The following DCLK3 variants were observed in gnomAD, a reference collection of about 807,000 sequenced individuals.
The protein encoded by DCLK3 is doublecortin like kinase 3, also known as serine/threonine-protein kinase DCLK3.
A neutral mutation model predicts 46.4 loss-of-function variants in DCLK3; 30 were observed. The observed-to-expected ratio is 0.65, with a 90% CI of 0.48 to 0.88. The LOEUF (loss-of-function observed/expected upper bound fraction) is 0.88, where lower values mean the gene tolerates loss of function less well. DCLK3 is among the 40% of genes least tolerant of loss of function. The pLI, the probability that DCLK3 is intolerant of heterozygous loss-of-function variation, is 0.00. For missense variants in DCLK3, 846 were observed against 907.1 expected (o/e 0.93, Z 0.87); for synonymous variants, 401 against 339.2 (o/e 1.18, Z -2.00).
chr3:36,716,232 G>A (rs1268959124), intron 4 of DCLK3, among the ~76,000 whole-genome samples: 1 of 152,180 alleles, frequency 6.6e-6, no homozygotes, highest in African/African-American at 2.4e-5. Flanking sequence ...GGCTCATTGA[G>A]ACTGCTCTTC....
At chr3:36,725,563 G>T (rs1701116979) in intron 2 of DCLK3, among the ~76,000 whole-genome samples, 1 of 152,170 alleles carries the variant, frequency 6.6e-6, no homozygotes, top group Non-Finnish European at 1.5e-5. Context: ...GCTGCAGTGT[G>T]CCATGATTGC....
chr3:36,723,788 C>T (rs186390275), intron 2 of DCLK3, among the ~76,000 whole-genome samples: 1 of 152,294 alleles, frequency 6.6e-6, no homozygotes, highest in Admixed American at 6.5e-5. Flanking sequence ...CAAAAGTTTG[C>T]TGCAGGGGAG....
At chr3:36,756,767 G>A (rs1405072330) in intron 1 of DCLK3, among the ~76,000 whole-genome samples, 1 of 152,050 alleles carries the variant, frequency 6.6e-6, no homozygotes, top group African/African-American at 2.4e-5. Flanking sequence ...ACTGCTGTTA[G>A]GGGAAATGCC....
intron 2 of DCLK3, among the ~76,000 whole-genome samples, chr3:36,723,181 G>A (rs1181186448): frequency 6.6e-6 from 1 of 152,160 alleles, no homozygotes; most frequent in African/African-American, 2.4e-5. Flanking sequence ...TTTTGCCCCT[G>A]CCCTAGAGAT....
intron 1 of DCLK3, among the ~76,000 whole-genome samples, chr3:36,757,369 T>C (rs994833820): frequency 7.9e-5 from 12 of 152,306 alleles, no homozygotes; most frequent in African/African-American, 2.9e-4. Context: ...GTTTGTGCTC[T>C]TAAAATAAAA....
chr3:36,737,284 A>T lies in DCLK3; in HGVS notation c.1883T>A (p.Met628Lys). ...GTGGACGAGGGCTTTGCATAAGTCC[A>T]TGATCATGAGGGCAGCATCGGGCTC... ...FPEPDAALMI[M>K]DLCKALVHMH... The change falls in exon 2 of 5, where the codon ATG (methionine) becomes AAG (lysine). Residue 628 changes from methionine (M) to lysine (K), a missense_variant. Physicochemically the swap from Met to Lys is moderately conservative, Grantham distance 95. Coordinates refer to ENST00000636136, the MANE Select transcript of DCLK3 (RefSeq NM_001394672.2). The surrounding 1 kb of genome is among the most constrained non-coding windows in gnomAD (Gnocchi z 4.4). The T allele has an allele frequency of 6.2e-7, 1 of 1,614,190 alleles. No homozygotes were observed. The highest frequency in any genetic ancestry group is 1.1e-5 in the South Asian group (1 of 91,076).
Position 36,739,075 on chromosome 3 carries a change from C to A in DCLK3, c.92G>T (p.Gly31Val), listed in dbSNP as rs142656197. ...ATATTTTAGAGAATGGTCACATAGG[C>A]CTTGCTGTCCTGCAACAAGAAAAGG... ...CPARPAPGQQ[G>V]LCDHSLKYLS... Residue 31 changes from glycine (G) to valine (V), a missense_variant, in exon 2 of 5, where the codon GGC becomes GTC. By Grantham distance (109) the Gly-to-Val change is moderately radical (BLOSUM62 -3). Transcript: ENST00000636136. 748 of 398,586 alleles carry A rather than the reference C, an allele frequency of 1.9e-3. 4 individuals carry two copies. The highest frequency in any genetic ancestry group is 0.014 in the African/African-American group (661 of 48,754). The allele number at this position is 398,586 out of a possible 1,614,324, so 24.7% of individuals were successfully genotyped here.
intron 2 of DCLK3, among the ~76,000 whole-genome samples, chr3:36,725,549 C>T (rs1490212392): frequency 6.6e-6 from 1 of 151,798 alleles, no homozygotes; most frequent in African/African-American, 2.4e-5. Flanking sequence ...CCTGAGAAGT[C>T]GAGGCTGCAG....
Position 36,718,028 on chromosome 3 carries a change from A to G in DCLK3, c.2242T>C (p.Trp748Arg). The change falls in exon 4 of 5, where the codon TGG becomes CGG. Residue 748 changes from tryptophan to arginine, a missense_variant. By Grantham distance (101) the Trp-to-Arg change is moderately radical. Coordinates refer to ENST00000636136, the MANE Select transcript of DCLK3 (RefSeq NM_001394672.2). ...ATCTCACCATCAGAGATATTGTCCC[A>G]GTAAGGGGGGAGGAACTCAAAGTGG... ...LGHFEFLPPY[W>R]DNISDAAKDL... The G allele has an allele frequency of 6.2e-7, 1 of 1,614,176 alleles. No homozygotes were observed. Among genetic ancestry groups the G allele is most frequent in the Non-Finnish European group, 8.5e-7 (1 of 1,180,020 alleles).
In DCLK3 at chr3:36,756,523, C is replaced by A. The variant is rs545680918; in HGVS notation, c.82+7659G>T. ...CACATGGGTTATCTGGCAAGAACCACTGCCTCTGGCACAAATGGAGAGACC... is the reference window on the plus strand; with the variant it reads ...CACATGGGTTATCTGGCAAGAACCAATGCCTCTGGCACAAATGGAGAGACC... On this transcript the variant is annotated intron_variant, in intron 1 of 4. Transcript: ENST00000636136. 2.0e-5 allele frequency among the ~76,000 whole-genome samples: 3 copies of A among 152,352 alleles called. No homozygotes were observed. In the South Asian group the frequency reaches 6.2e-4, roughly 32 times the overall value.
At chr3:36,720,332 C>A (rs1299877935) in intron 3 of DCLK3, among the ~76,000 whole-genome samples, 1 of 152,144 alleles carries the variant, frequency 6.6e-6, no homozygotes, top group African/African-American at 2.4e-5. Flanking sequence ...GCCTGCAGAA[C>A]CCTGAACCAA....
chr3:36,759,896 C>T (rs1246303258), intron 1 of DCLK3, among the ~76,000 whole-genome samples: 1 of 152,194 alleles, frequency 6.6e-6, no homozygotes, highest in Non-Finnish European at 1.5e-5. Flanking sequence ...CTCACCATAT[C>T]ATAATCGTAC....
At chr3:36,731,448 C>T (rs1047455893) in intron 2 of DCLK3, among the ~76,000 whole-genome samples, 5 of 74,530 alleles carry the variant, frequency 6.7e-5, no homozygotes, top group Admixed American at 3.7e-4. Context: ...CTCCTTCGTG[C>T]GTGCACACAC....
In DCLK3 at chr3:36,738,419, C is replaced by T. The variant is rs372812318; in HGVS notation, c.748G>A (p.Glu250Lys). ...GCTCTGTCATCTAGTGAAAGCTCCT[C>T]GGGGATCTTCCCCTGGTGCCTCATG... ...AAMRHQGKIP[E>K]ELSLDDRART... The change falls in exon 2 of 5, where the codon GAG becomes AAG. Residue 250 changes from glutamate to lysine, a missense_variant. Around this residue, in one of 3 missense-constraint regions of DCLK3, gnomAD observed 553 missense variants for 543.0 expected, o/e 1.02. Coordinates refer to ENST00000636136, the MANE Select transcript of DCLK3 (RefSeq NM_001394672.2). 28 of 1,478,332 alleles carry T rather than the reference C, an allele frequency of 1.9e-5. No individual in the cohort carries two copies. Among genetic ancestry groups the T allele is most frequent in the Admixed American group, 2.5e-5 (1 of 39,240 alleles). 91.6% of individuals were successfully genotyped at this position (1,478,332 alleles called of 1,614,324 possible). A position where few individuals can be genotyped will look rare whatever the true frequency, so the allele number is the denominator to read the frequency against.
intron 2 of DCLK3, among the ~76,000 whole-genome samples, chr3:36,732,416 G>A (rs1345337279): frequency 6.6e-6 from 1 of 152,146 alleles, no homozygotes; most frequent in Non-Finnish European, 1.5e-5. Context: ...TATTGTCCTG[G>A]AAATTGCTGA....
intron 1 of DCLK3, among the ~76,000 whole-genome samples, chr3:36,740,598 G>A (rs1410318696): frequency 6.6e-6 from 1 of 152,172 alleles, no homozygotes; most frequent in East Asian, 1.9e-4. Flanking sequence ...CAAGACTTTT[G>A]TATTTCCTAA....
intron 1 of DCLK3, among the ~76,000 whole-genome samples, chr3:36,761,784 G>A (rs945849213): frequency 6.6e-6 from 1 of 152,066 alleles, no homozygotes; most frequent in Admixed American, 6.6e-5. Context: ...CTGGAGGCTG[G>A]TGGAGACCTA....
Position 36,715,414 on chromosome 3 carries a change from T to C in DCLK3, c.2368A>G (p.Thr790Ala). ...GACACCTGCTTCTGTCGTTTCACTGTATTGGTCTTGCCAGCTGTTTCGATC... is the reference window on the plus strand; with the variant it reads ...GACACCTGCTTCTGTCGTTTCACTGCATTGGTCTTGCCAGCTGTTTCGATC... ...PWIETAGKTN[T>A]VKRQKQVSPS... The change falls in exon 5 of 5, where the codon ACA becomes GCA. Residue 790 changes from threonine to alanine, a missense_variant. Thr to Ala is a moderately conservative substitution (Grantham distance 58). This residue lies in a region of DCLK3 where 46 missense variants were observed against 41.3 expected (regional missense o/e 1.11). Transcript: ENST00000636136. The C allele has an allele frequency of 6.2e-7, 1 of 1,614,076 alleles. No homozygotes were observed. Among genetic ancestry groups the C allele is most frequent in the Non-Finnish European group, 8.5e-7 (1 of 1,179,984 alleles).
chr3:36,746,386 G>C (rs984600779), intron 1 of DCLK3, among the ~76,000 whole-genome samples: 1 of 152,132 alleles, frequency 6.6e-6, no homozygotes, highest in Non-Finnish European at 1.5e-5. Flanking sequence ...TGAGTTTTAC[G>C]TACTGCATCA....
Sources: gnomAD v4.1 joint callset for allele counts (sites outside exome capture counted in the v4.1 genomes callset) on GRCh38, gnomAD v4.1.1 for gene constraint, gnomAD v4.1.1 regional missense constraint, Gnocchi (gnomAD v3.1) non-coding constraint, MANE v1.5 for transcripts, NCBI Gene and HGNC (gene_info 2026-07-23, HGNC 2026-07-21) for gene names.